Variants in THSD4 observed in about 807,000 individuals in gnomAD.
THSD4 encodes thrombospondin type 1 domain containing 4, also known as thrombospondin type-1 domain-containing protein 4.
THSD4 carries 69 observed loss-of-function variants against 119.0 expected under a neutral mutation model. That is an observed-to-expected ratio of 0.58 (90% CI 0.48 to 0.71). The LOEUF (loss-of-function observed/expected upper bound fraction) is 0.71, where lower values mean the gene tolerates loss of function less well. Among genes scored for constraint, THSD4 ranks in the 30% least tolerant of loss-of-function variants. The pLI is 0.00. For missense variants in THSD4, 1,393 were observed against 1,391.1 expected, an observed-to-expected ratio of 1.00 and a Z score of -0.02; for synonymous variants, 524 against 540.4, an observed-to-expected ratio of 0.97 and a Z score of 0.42.
intron 6 of THSD4, among the ~76,000 whole-genome samples, chr15:71,328,916 G>A (rs2140370477): frequency 6.6e-6 from 1 of 152,312 alleles, no homozygotes; most frequent in Non-Finnish European, 1.5e-5. Context: ...CTGGGCCTCA[G>A]TTTCCTGATC....
intron 8 of THSD4, among the ~76,000 whole-genome samples, chr15:71,700,849 T>C (rs2052273524): frequency 6.6e-6 from 1 of 152,020 alleles, no homozygotes; most frequent in Non-Finnish European, 1.5e-5. Context: ...AAAATAATGT[T>C]AGATCTCTGT....
At chr15:71,172,599 C>A (rs2043380072) in intron 3 of THSD4, among the ~76,000 whole-genome samples, 1 of 142,162 alleles carries the variant, frequency 7.0e-6, no homozygotes, top group Non-Finnish European at 1.5e-5. Flanking sequence ...ATTATTAGCT[C>A]CAGTAATCAA....
intron 8 of THSD4, among the ~76,000 whole-genome samples, chr15:71,719,846 G>A (rs1385775730): frequency 6.6e-6 from 1 of 151,330 alleles, no homozygotes; most frequent in Non-Finnish European, 1.5e-5. Flanking sequence ...TGGCTATTTT[G>A]TTAATTCTTT....
intron 3 of THSD4, among the ~76,000 whole-genome samples, chr15:71,162,863 G>A (rs1044273973): frequency 3.3e-5 from 5 of 151,696 alleles, no homozygotes; most frequent in African/African-American, 9.7e-5. Flanking sequence ...ATTTCAAAAG[G>A]CTTGCCTTCA....
At chr15:71,291,826 T>C (rs963331921) in intron 6 of THSD4, among the ~76,000 whole-genome samples, 9 of 152,128 alleles carry the variant, frequency 5.9e-5, no homozygotes, top group African/African-American at 2.2e-4. Flanking sequence ...CATTTGCATT[T>C]TGCTTTTTCT....
intron 7 of THSD4, among the ~76,000 whole-genome samples, chr15:71,515,833 G>C (rs1429289710): frequency 6.6e-6 from 1 of 152,152 alleles, no homozygotes; most frequent in African/African-American, 2.4e-5. Context: ...CCGGAAAGTG[G>C]GTGTTAATTT....
chr15:71,124,898 C>G (rs1426743399), intron 1 of THSD4, among the ~76,000 whole-genome samples: 2 of 151,952 alleles, frequency 1.3e-5, no homozygotes, highest in African/African-American at 2.4e-5. Flanking sequence ...AAACTATTAG[C>G]CAGGCATGGT....
chr15:71,437,436 T>A (rs1297528676), intron 7 of THSD4, among the ~76,000 whole-genome samples: 1 of 152,236 alleles, frequency 6.6e-6, no homozygotes, highest in Non-Finnish European at 1.5e-5. Context: ...TCCTGCGATA[T>A]GAGTTAATGA....
At chr15:71,308,488 TG>T (rs2045064453) in intron 6 of THSD4, among the ~76,000 whole-genome samples, 1 of 9,052 alleles carries the variant, frequency 1.1e-4, no homozygotes, top group African/African-American at 1.5e-4. Flanking sequence ...CTTTTTATTT[TG>T]TTTTCTTTAT....
intron 6 of THSD4, chr15:71,341,444 A>G: frequency 6.2e-7 from 1 of 1,613,138 alleles, no homozygotes; most frequent in East Asian, 2.2e-5. Context: ...GTGCAGCAAG[A>G]ATTCAGCACT....
intron 8 of THSD4, among the ~76,000 whole-genome samples, chr15:71,689,057 T>C (rs2051986686): frequency 6.6e-6 from 1 of 152,232 alleles, no homozygotes; most frequent in South Asian, 2.1e-4. Flanking sequence ...ACTCTGCAAC[T>C]GTATCCATAA....
At chr15:71,358,881 A>T (rs2045857116) in intron 6 of THSD4, among the ~76,000 whole-genome samples, 1 of 152,152 alleles carries the variant, frequency 6.6e-6, no homozygotes, top group South Asian at 2.1e-4. Context: ...GAATGTGAAG[A>T]CACTCAGCTT....
chr15:71,267,175 G>A (rs977314768), intron 6 of THSD4, among the ~76,000 whole-genome samples: 9 of 152,286 alleles, frequency 5.9e-5, no homozygotes, highest in South Asian at 4.1e-4. Flanking sequence ...ATTCACCAAC[G>A]TTGAAATGAA....
chr15:71,532,368 T>C (rs2048627097), intron 7 of THSD4, among the ~76,000 whole-genome samples: 1 of 150,100 alleles, frequency 6.7e-6, no homozygotes, highest in Non-Finnish European at 1.5e-5. Context: ...TGGATTACAG[T>C]GGTGCCATCT....
intron 7 of THSD4, among the ~76,000 whole-genome samples, chr15:71,575,370 T>C (rs1234569790): frequency 2.6e-5 from 4 of 152,248 alleles, no homozygotes; most frequent in Non-Finnish European, 5.9e-5. Flanking sequence ...GTACATACTT[T>C]AAGTTTTATT....
chr15:71,309,793 C>T (rs2045085822), intron 6 of THSD4, among the ~76,000 whole-genome samples: 1 of 152,162 alleles, frequency 6.6e-6, no homozygotes, highest in Admixed American at 6.5e-5. Context: ...TATGTATGGG[C>T]TTGTTTTCTG....
At chr15:71,423,293 G>T (rs1190362320) in intron 7 of THSD4, among the ~76,000 whole-genome samples, 1 of 152,118 alleles carries the variant, frequency 6.6e-6, no homozygotes, top group African/African-American at 2.4e-5. Flanking sequence ...CTGGGAGTGC[G>T]CTCAGTCACA....
intron 4 of THSD4, among the ~76,000 whole-genome samples, chr15:71,241,508 T>C (rs1263363648): frequency 6.6e-6 from 1 of 152,204 alleles, no homozygotes; most frequent in Non-Finnish European, 1.5e-5. Flanking sequence ...TTGAAAACTA[T>C]GGATGATTAA....
At chr15:71,746,795 C>T (rs376554629) in intron 12 of THSD4, 43 bp from the exon 13 acceptor site, 21 of 1,600,858 alleles carry the variant, frequency 1.3e-5, no homozygotes, top group Non-Finnish European at 1.7e-5. Flanking sequence ...TTCCTGTTGA[C>T]TGAAGGTTGT....
Sources: allele counts gnomAD v4.1 joint callset (sites outside exome capture counted in the v4.1 genomes callset), GRCh38; gene constraint gnomAD v4.1.1; transcripts MANE v1.5; gene names NCBI Gene and HGNC (gene_info 2026-07-23, HGNC 2026-07-21).